Variants in RBFOX1 observed in about 807,000 individuals in gnomAD.
RBFOX1 encodes the protein RNA binding protein fox-1 homolog 1.
A neutral mutation model predicts 57.7 loss-of-function variants in RBFOX1; 8 were observed. That is an observed-to-expected ratio of 0.14 (90% CI 0.08 to 0.25). The LOEUF is 0.25. RBFOX1 is among the 10% of genes least tolerant of loss of function. RBFOX1 has a pLI of 1.00. For synonymous variants in RBFOX1, 326 were observed against 222.4 expected (o/e 1.47, Z -4.15); for missense variants, 611 against 548.5 (o/e 1.11, Z -1.14).
intron 2 of RBFOX1, among the ~76,000 whole-genome samples, chr16:6,570,381 C>T (rs2097328436): frequency 1.3e-5 from 2 of 151,958 alleles, no homozygotes; most frequent in African/African-American, 2.4e-5. Flanking sequence ...TAAGTAAAAT[C>T]GAGAATTTTT....
chr16:7,339,771 G>A (rs906880922), intron 4 of RBFOX1, among the ~76,000 whole-genome samples: 16 of 152,276 alleles, frequency 1.1e-4, no homozygotes, highest in African/African-American at 3.9e-4. Context: ...TCTTTTGTCT[G>A]CGATGAAGAA....
intron 4 of RBFOX1, among the ~76,000 whole-genome samples, chr16:7,092,199 C>T (rs534622694): frequency 6.6e-6 from 1 of 152,144 alleles, no homozygotes; most frequent in African/African-American, 2.4e-5. Context: ...AGGTATACCA[C>T]TGTTTTATTA....
At chr16:6,659,138 C>A (rs1399896648) in intron 3 of RBFOX1, among the ~76,000 whole-genome samples, 1 of 151,842 alleles carries the variant, frequency 6.6e-6, no homozygotes, top group East Asian at 1.9e-4. Context: ...GTAAAATCCA[C>A]CTGAATTTCA....
chr16:5,738,636 A>AAG (rs2052666771), intron 3 of RBFOX1, among the ~76,000 whole-genome samples: 1 of 95,026 alleles, frequency 1.1e-5, no homozygotes, highest in Non-Finnish European at 2.3e-5. Flanking sequence ...TCTGTCTCAG[A>AAG]AAAAAAAAAA....
At chr16:6,711,573 T>C (rs1434548239) in intron 3 of RBFOX1, among the ~76,000 whole-genome samples, 1 of 152,218 alleles carries the variant, frequency 6.6e-6, no homozygotes, top group Non-Finnish European at 1.5e-5. Flanking sequence ...ACTCTCTGTC[T>C]CTCCTGACAC....
At chr16:6,340,145 ATTC>A (rs2084342874) in intron 2 of RBFOX1, among the ~76,000 whole-genome samples, 2 of 152,154 alleles carry the variant, frequency 1.3e-5, no homozygotes, top group Admixed American at 1.3e-4. Flanking sequence ...TCTGCCCAAA[ATTC>A]TTGTTAACCA....
chr16:5,819,711 G>A (rs948873829), intron 3 of RBFOX1, among the ~76,000 whole-genome samples: 5 of 152,146 alleles, frequency 3.3e-5, no homozygotes. Context: ...CTTTCCCTCT[G>A]CCATGCCCAC....
At chr16:5,553,751 A>G (rs1386455973) in intron 2 of RBFOX1, among the ~76,000 whole-genome samples, 3 of 151,496 alleles carry the variant, frequency 2.0e-5, no homozygotes, top group African/African-American at 7.3e-5. Flanking sequence ...GTGTGTATTT[A>G]TGTATATACA....
At chr16:6,984,559 T>C (rs1377286601) in intron 3 of RBFOX1, among the ~76,000 whole-genome samples, 1 of 152,148 alleles carries the variant, frequency 6.6e-6, no homozygotes, top group Non-Finnish European at 1.5e-5. Flanking sequence ...CCCATTGAGT[T>C]CCGGATTCAC....
intron 4 of RBFOX1, among the ~76,000 whole-genome samples, chr16:7,147,251 C>A (rs1331117416): frequency 5.3e-5 from 8 of 151,246 alleles, no homozygotes; most frequent in African/African-American, 1.7e-4. Flanking sequence ...GTGATCCGCC[C>A]ACCTCAGCCT....
intron 3 of RBFOX1, chr16:6,983,643 A>C (rs1164553895): frequency 6.6e-6 from 1 of 152,180 alleles, no homozygotes; most frequent in Non-Finnish European, 1.5e-5. Context: ...TCGCAGGCTT[A>C]ATTATAAATC....
chr16:6,039,734 T>C (rs1672727808), intron 1 of RBFOX1, among the ~76,000 whole-genome samples: 1 of 152,208 alleles, frequency 6.6e-6, no homozygotes, highest in Admixed American at 6.5e-5. Flanking sequence ...TGGGTTAACA[T>C]ATTAGTTATC....
At chr16:6,093,115 T>G (rs1342174858) in intron 1 of RBFOX1, among the ~76,000 whole-genome samples, 1 of 152,194 alleles carries the variant, frequency 6.6e-6, no homozygotes, top group Non-Finnish European at 1.5e-5. Context: ...GCAAGAAAAC[T>G]GGTTGGCTAT....
rs868240273 is a variant in RBFOX1, at chr16:7,217,576, T to C, written c.27+165478T>C. ...TTTATCTTATCCCTCAAAAAAGGCA[T>C]GACAAAGGGTCATGAGAGGCCTGGT... On this transcript the variant is annotated intron_variant, in intron 4 of 15. Transcript: ENST00000550418. 9.2e-5 allele frequency among the ~76,000 whole-genome samples: 14 copies of C among 152,078 alleles called. No homozygotes were observed. The South Asian group carries it at 2.9e-3, about 31-fold the overall frequency.
intron 5 of RBFOX1, among the ~76,000 whole-genome samples, chr16:7,537,037 G>C (rs1341173240): frequency 6.6e-6 from 1 of 152,168 alleles, no homozygotes; most frequent in Non-Finnish European, 1.5e-5. Context: ...GCCTCATCTG[G>C]GGGCTTTGTA....
At chr16:7,590,257 T>C (rs1197636740) in intron 7 of RBFOX1, among the ~76,000 whole-genome samples, 1 of 151,750 alleles carries the variant, frequency 6.6e-6, no homozygotes, top group Non-Finnish European at 1.5e-5. Context: ...ACAGAGTGAG[T>C]CCTTATCTCA....
intron 2 of RBFOX1, among the ~76,000 whole-genome samples, chr16:5,568,642 T>A (rs2151125568): frequency 6.6e-6 from 1 of 152,356 alleles, no homozygotes; most frequent in East Asian, 1.9e-4. Context: ...ATAAATTCCA[T>A]GTTTTCCTGC....
intron 3 of RBFOX1, among the ~76,000 whole-genome samples, chr16:6,692,721 C>T (rs1181257001): frequency 6.6e-6 from 1 of 152,022 alleles, no homozygotes; most frequent in African/African-American, 2.4e-5. Context: ...TACTCCAAGT[C>T]AGAGTAATGT....
At chr16:5,764,386 C>T (rs1597153699) in intron 3 of RBFOX1, among the ~76,000 whole-genome samples, 3 of 152,210 alleles carry the variant, frequency 2.0e-5, no homozygotes, top group Non-Finnish European at 4.4e-5. Context: ...GATGCCAGCA[C>T]CCAGCCTCTT....
Sources: allele counts gnomAD v4.1 joint callset (sites outside exome capture counted in the v4.1 genomes callset), GRCh38; gene constraint gnomAD v4.1.1; transcripts MANE v1.5; gene names NCBI Gene and HGNC (gene_info 2026-07-23, HGNC 2026-07-21).